The following OGG1 variants were observed in gnomAD, a reference collection of about 807,000 sequenced individuals.
OGG1 encodes N-glycosylase/DNA lyase.
OGG1 carries 35 observed loss-of-function variants against 42.3 expected under a neutral mutation model. The observed-to-expected ratio is 0.83, with a 90% CI of 0.63 to 1.10. OGG1 has a LOEUF of 1.10. Ranked by LOEUF, OGG1 falls within the 50% of genes least tolerant of loss-of-function variation. OGG1 has a pLI of 0.00. For synonymous variants in OGG1, 189 were observed against 179.0 expected (o/e 1.06, Z -0.44); for missense variants, 484 against 446.7 (o/e 1.08, Z -0.75).
downstream of OGG1, chr3:9,759,761 A>G: frequency 6.2e-7 from 1 of 1,614,102 alleles, no homozygotes; most frequent in Non-Finnish European, 8.5e-7. Flanking sequence ...CTAAACCCCC[A>G]AGACAAAAGC....
rs1322408011 is a variant in OGG1 at position 9,754,736 on chromosome 3, G to A, written c.598G>A (p.Gly200Ser). ...PEVEAHLRKLGLGYRARYVSA... is the reference protein window; with the variant it reads ...PEVEAHLRKLSLGYRARYVSA... ...GGTGGAGGCTCATCTCAGGAAGCTG[G>A]GCCTGGGCTATCGTGCCCGTTACGT... The change falls in exon 4 of 7, where the codon GGC (glycine) becomes AGC (serine). Residue 200 changes from glycine (G) to serine (S), a missense_variant. Transcript: ENST00000344629. 6 of 1,614,170 alleles carry A rather than the reference G, an allele frequency of 3.7e-6. No individual in the cohort carries two copies. The highest frequency in any genetic ancestry group is 5.1e-6 in the Non-Finnish European group (6 of 1,180,028).
chr3:9,787,342 T>C (rs2078639257), intron 3 of OGG1: 1 of 1,605,574 alleles, frequency 6.2e-7, no homozygotes, highest in Non-Finnish European at 8.5e-7. Context: ...GGGTGGGATC[T>C]GTGGAAAAGA....
chr3:9,756,696 C>T (rs1022665899), intron 5 of OGG1, 71 bp from the exon 6 acceptor site: 1 of 1,613,320 alleles, frequency 6.2e-7, no homozygotes, highest in African/African-American at 1.3e-5. Context: ...GTCACCTCTC[C>T]CTCAGACCCT....
intron 3 of OGG1, chr3:9,787,311 C>G (rs1482265322): frequency 5.6e-6 from 9 of 1,613,618 alleles, no homozygotes; most frequent in Non-Finnish European, 7.6e-6. Flanking sequence ...GGGCCCAGCG[C>G]TGGGAGTAGT....
At chr3:9,785,265 G>A in intron 3 of OGG1, 1 of 1,453,074 alleles carries the variant, frequency 6.9e-7, no homozygotes, top group Non-Finnish European at 9.6e-7. Flanking sequence ...ATGGAGAGAA[G>A]CCAACAGAAG....
At chr3:9,776,388 C>CTTTTTTTTTTTTTT (rs57504240) in intron 2 of OGG1, among the ~76,000 whole-genome samples, 10 of 121,118 alleles carry the variant, frequency 8.3e-5, no homozygotes, top group Non-Finnish European at 1.2e-4. Flanking sequence ...TTTTTCTTTT[C>CTTTTTTTTTTTTTT]TTTTTTTTTT....
intron 3 of OGG1, chr3:9,787,672 G>A: frequency 7.3e-7 from 1 of 1,362,372 alleles, no homozygotes; most frequent in Non-Finnish European, 9.6e-7. Context: ...CGGGTGACAG[G>A]GAATTACCTT....
chr3:9,790,355 C>T (rs1427309966), downstream of OGG1, among the ~76,000 whole-genome samples: 2 of 152,228 alleles, frequency 1.3e-5, no homozygotes, highest in Non-Finnish European at 2.9e-5. Context: ...CATAGCCTTC[C>T]TCAAGGAGGG....
chr3:9,765,872 C>T (rs1308774002), exon 8 of OGG1: 2 of 1,614,058 alleles, frequency 1.2e-6, no homozygotes, highest in African/African-American at 1.3e-5. Flanking sequence ...CTGCCAGGAT[C>T]ACCTCCGAGA....
At chr3:9,752,494 G>A (rs184267135) in intron 3 of OGG1, among the ~76,000 whole-genome samples, 2 of 135,176 alleles carry the variant, frequency 1.5e-5, no homozygotes, top group South Asian at 2.2e-4. Flanking sequence ...GTGAAACCCC[G>A]TCTCCAGCCT....
chr3:9,762,983 G>A, intron 7 of OGG1: 1 of 1,614,136 alleles, frequency 6.2e-7, no homozygotes, highest in Middle Eastern at 1.6e-4. Flanking sequence ...GGAAGATGAG[G>A]CGGCTGGCGT....
intron 3 of OGG1, chr3:9,785,565 T>C: frequency 1.7e-6 from 1 of 596,940 alleles, no homozygotes; most frequent in Admixed American, 2.9e-5. Flanking sequence ...AGCCTTCCCA[T>C]ACCAATCCCA....
At chr3:9,788,190 T>C (rs1403481010) in exon 4 of OGG1, 1 of 155,376 alleles carries the variant, frequency 6.4e-6, no homozygotes, top group South Asian at 1.9e-4. Flanking sequence ...CTGTATTTTC[T>C]AAATTTTCTT....
downstream of OGG1, chr3:9,761,679 C>G (rs747319122): frequency 6.2e-7 from 1 of 1,614,152 alleles, no homozygotes; most frequent in Non-Finnish European, 8.5e-7. Flanking sequence ...CTGCCCGGGT[C>G]CTCCATCTTG....
At position 9,749,994 on chromosome 3, in the gene OGG1, G is replaced by A. The variant is rs999232356; in HGVS notation, c.-293G>A. On this transcript the variant is annotated 5_prime_UTR_variant, in exon 1 of 7. Coordinates refer to ENST00000344629, the MANE Select transcript of OGG1 (RefSeq NM_002542.6). ...CCCCTGGAGAACCCAGAAGAACACA[G>A]CTGTGCGCGCCCACAGGCTCTGGGG... The A allele has an allele frequency of 7.9e-5, 38 of 481,866 alleles. No individual in the cohort carries two copies. Among genetic ancestry groups the A allele is most frequent in the Admixed American group, 3.5e-5 (1 of 28,896 alleles). 29.8% of individuals were successfully genotyped at this position (481,866 alleles called of 1,614,324 possible). A position where few individuals can be genotyped will look rare whatever the true frequency, so the allele number is the denominator to read the frequency against.
At chr3:9,769,016 G>T (rs1004151443), downstream of OGG1, among the ~76,000 whole-genome samples, 1 of 151,786 alleles carries the variant, frequency 6.6e-6, no homozygotes, top group South Asian at 2.1e-4. Context: ...CCCCTCCACA[G>T]CCCTGAACTC....
intron 7 of OGG1, chr3:9,763,186 C>T (rs1318589050): frequency 6.2e-7 from 1 of 1,613,940 alleles, no homozygotes; most frequent in South Asian, 1.1e-5. Flanking sequence ...AGATGTCATC[C>T]AGGGCTACAA....
At chr3:9,783,092 A>G (rs6799301) in intron 3 of OGG1, 12 of 152,210 alleles carry the variant, frequency 7.9e-5, no homozygotes, top group African/African-American at 2.9e-4. Flanking sequence ...AATAAAAATC[A>G]CAGATCTCCA....
exon 8 of OGG1, chr3:9,766,089 C>A: frequency 6.6e-7 from 1 of 1,512,938 alleles, no homozygotes. Flanking sequence ...TCTCCCCTGG[C>A]CACAGTAATT....
Sources: allele counts gnomAD v4.1 joint callset (sites outside exome capture counted in the v4.1 genomes callset), GRCh38; gene constraint gnomAD v4.1.1; transcripts MANE v1.5; gene names NCBI Gene and HGNC (gene_info 2026-07-23, HGNC 2026-07-21).